The following FNDC3B variants were observed in gnomAD, a reference collection of about 807,000 sequenced individuals.
The protein encoded by FNDC3B is fibronectin type III domain containing 3B.
FNDC3B carries 12 observed loss-of-function variants against 151.5 expected under a neutral mutation model. That is an observed-to-expected ratio of 0.08 (90% CI 0.05 to 0.13). The LOEUF (loss-of-function observed/expected upper bound fraction) is 0.13. Ranked by LOEUF, FNDC3B falls within the 10% of genes least tolerant of loss-of-function variation. The pLI, the probability that FNDC3B is intolerant of heterozygous loss-of-function variation, is 1.00. For missense variants in FNDC3B, 1,214 were observed against 1,505.3 expected, an observed-to-expected ratio of 0.81 and a Z score of 3.20; for synonymous variants, 528 against 549.0, an observed-to-expected ratio of 0.96 and a Z score of 0.54.
At chr3:172,194,279 C>G (rs1458883852) in intron 3 of FNDC3B, among the ~76,000 whole-genome samples, 1 of 152,098 alleles carries the variant, frequency 6.6e-6, no homozygotes, top group African/African-American at 2.4e-5. Context: ...TTGATTGATG[C>G]ATTTATTCAA....
At chr3:172,214,505 T>A (rs565638600) in intron 3 of FNDC3B, among the ~76,000 whole-genome samples, 1 of 151,954 alleles carries the variant, frequency 6.6e-6, no homozygotes, top group Admixed American at 6.6e-5. Flanking sequence ...CCTTCTAGAT[T>A]GGCAAGAAAG....
At chr3:172,159,984 C>T (rs894121430) in intron 3 of FNDC3B, among the ~76,000 whole-genome samples, 1 of 152,180 alleles carries the variant, frequency 6.6e-6, no homozygotes, top group East Asian at 1.9e-4. Context: ...AATGGGCTGG[C>T]ACATCTGCAG....
intron 23 of FNDC3B, among the ~76,000 whole-genome samples, chr3:172,369,425 T>G (rs759426455): frequency 2.0e-4 from 31 of 152,036 alleles, no homozygotes; most frequent in Non-Finnish European, 3.5e-4. Context: ...TATAAATAAA[T>G]CTCCATTTTA....
At chr3:172,100,222 G>C (rs1174814661) in intron 1 of FNDC3B, among the ~76,000 whole-genome samples, 1 of 152,194 alleles carries the variant, frequency 6.6e-6, no homozygotes, top group Non-Finnish European at 1.5e-5. Context: ...AGAGTGTCTT[G>C]CACAGAGGAG....
At chr3:172,064,244 G>A (rs1420671714) in intron 1 of FNDC3B, among the ~76,000 whole-genome samples, 1 of 152,130 alleles carries the variant, frequency 6.6e-6, no homozygotes, top group African/African-American at 2.4e-5. Context: ...CAGGAAAGGA[G>A]CCCTCACCAG....
intron 2 of FNDC3B, chr3:172,126,891 A>G: frequency 3.0e-6 from 1 of 337,760 alleles, no homozygotes; most frequent in South Asian, 2.3e-5. Flanking sequence ...ACCATTTTGT[A>G]GATGTAAAGG....
At chr3:172,041,133 C>T (rs985119501) in intron 1 of FNDC3B, among the ~76,000 whole-genome samples, 5 of 152,098 alleles carry the variant, frequency 3.3e-5, no homozygotes, top group African/African-American at 1.2e-4. Flanking sequence ...GCCAAAAATC[C>T]ACAGGTTTCT....
chr3:172,147,310 C>CA (rs34996209), intron 3 of FNDC3B, among the ~76,000 whole-genome samples: 78,699 of 134,968 alleles, frequency 0.58, 21,978 homozygotes, highest in Non-Finnish European at 0.63. Flanking sequence ...TGTCTCCAAA[C>CA]AAAAAAAAAA....
At chr3:172,227,444 A>G (rs1726650140) in intron 4 of FNDC3B, among the ~76,000 whole-genome samples, 1 of 152,210 alleles carries the variant, frequency 6.6e-6, no homozygotes, top group African/African-American at 2.4e-5. Flanking sequence ...TTGCACTTAA[A>G]TTTCTCTGAG....
intron 23 of FNDC3B, among the ~76,000 whole-genome samples, chr3:172,375,600 A>G (rs948843477): frequency 3.9e-5 from 6 of 152,164 alleles, no homozygotes; most frequent in Non-Finnish European, 7.4e-5. Context: ...GCTCTTCTCC[A>G]TGCCCCTCTC....
intron 6 of FNDC3B, among the ~76,000 whole-genome samples, chr3:172,262,470 G>C (rs1728694030): frequency 6.6e-6 from 1 of 152,324 alleles, no homozygotes; most frequent in East Asian, 1.9e-4. Flanking sequence ...GAAGTCTTAA[G>C]TAGAACTTTG....
intron 23 of FNDC3B, among the ~76,000 whole-genome samples, chr3:172,374,200 A>C (rs1735013703): frequency 1.3e-5 from 2 of 152,202 alleles, no homozygotes. Context: ...CCTGCTCTGC[A>C]GGGTTGCCTC....
intron 6 of FNDC3B, among the ~76,000 whole-genome samples, chr3:172,257,100 G>A (rs1195720991): frequency 2.0e-5 from 3 of 152,072 alleles, no homozygotes; most frequent in Admixed American, 1.3e-4. Context: ...TAGTGGAGAT[G>A]GGGTTTCGCC....
intron 1 of FNDC3B, among the ~76,000 whole-genome samples, chr3:172,097,713 T>C (rs1278045579): frequency 1.3e-5 from 2 of 152,234 alleles, no homozygotes; most frequent in African/African-American, 4.8e-5. Flanking sequence ...ACTGTGTAAA[T>C]TGCACTAAGC....
chr3:172,084,314 G>T (rs1718435615), intron 1 of FNDC3B, among the ~76,000 whole-genome samples: 1 of 152,066 alleles, frequency 6.6e-6, no homozygotes, highest in African/African-American at 2.4e-5. Flanking sequence ...AGCTGGGCGT[G>T]GTGGTGCACG....
At chr3:172,239,664 TGTA>T (rs1485558158) in intron 4 of FNDC3B, among the ~76,000 whole-genome samples, 1 of 151,916 alleles carries the variant, frequency 6.6e-6, no homozygotes, top group Non-Finnish European at 1.5e-5. Flanking sequence ...TCTTGTGGCT[TGTA>T]GTCCAACAAG....
At chr3:172,082,814 AG>A (rs1409865021) in intron 1 of FNDC3B, among the ~76,000 whole-genome samples, 1 of 152,244 alleles carries the variant, frequency 6.6e-6, no homozygotes. Context: ...GTGAAAGGGT[AG>A]AAGACTGGAT....
chr3:172,292,568 G>T (rs773539347), intron 7 of FNDC3B, among the ~76,000 whole-genome samples: 1 of 152,204 alleles, frequency 6.6e-6, no homozygotes, highest in Non-Finnish European at 1.5e-5. Flanking sequence ...TATCTAGAAC[G>T]TTGGCATTTG....
intron 3 of FNDC3B, among the ~76,000 whole-genome samples, chr3:172,174,113 CT>C (rs1157399368): frequency 6.6e-6 from 1 of 152,156 alleles, no homozygotes; most frequent in African/African-American, 2.4e-5. Flanking sequence ...GACTGTGCCA[CT>C]TTCACACCTC....
Sources: gnomAD v4.1 joint callset for allele counts (sites outside exome capture counted in the v4.1 genomes callset) on GRCh38, gnomAD v4.1.1 for gene constraint, MANE v1.5 for transcripts, NCBI Gene and HGNC (gene_info 2026-07-23, HGNC 2026-07-21) for gene names.